DLG2: variants seen among roughly 807,000 people sequenced by gnomAD.
DLG2 encodes the protein discs large MAGUK scaffold protein 2.
DLG2 carries 45 observed loss-of-function variants against 132.5 expected under a neutral mutation model. The ratio of observed to expected loss-of-function variants is 0.34; its 90% CI spans 0.27 to 0.44. The LOEUF (loss-of-function observed/expected upper bound fraction) is 0.44. Ranked by LOEUF, DLG2 falls within the 20% of genes least tolerant of loss-of-function variation. The pLI, the probability that DLG2 is intolerant of heterozygous loss-of-function variation, is 1.00. For synonymous variants in DLG2, 424 were observed against 419.6 expected, an observed-to-expected ratio of 1.01 and a Z score of -0.13; for missense variants, 1,045 against 1,196.9, an observed-to-expected ratio of 0.87 and a Z score of 1.87.
At chr11:84,958,454 T>C (rs2052022075) in intron 6 of DLG2, among the ~76,000 whole-genome samples, 1 of 152,224 alleles carries the variant, frequency 6.6e-6, no homozygotes, top group Non-Finnish European at 1.5e-5. Context: ...CAAAAACTCT[T>C]TCTTGGAACA....
chr11:83,982,381 G>A (rs1342967980), intron 11 of DLG2, among the ~76,000 whole-genome samples: 3 of 151,396 alleles, frequency 2.0e-5, no homozygotes, highest in Admixed American at 6.6e-5. Flanking sequence ...TGGACAAGAT[G>A]TGAAGGTAGA....
chr11:83,952,895 A>G (rs888547223), intron 14 of DLG2, among the ~76,000 whole-genome samples: 3 of 152,134 alleles, frequency 2.0e-5, no homozygotes, highest in African/African-American at 7.2e-5. Flanking sequence ...AGAAAATGAA[A>G]TTAGACAAAA....
chr11:84,686,577 T>C (rs1422164452), intron 6 of DLG2, among the ~76,000 whole-genome samples: 1 of 151,750 alleles, frequency 6.6e-6, no homozygotes, highest in Non-Finnish European at 1.5e-5. Flanking sequence ...GATTAGGCAA[T>C]TGAACTATAT....
At chr11:85,309,852 T>G (rs951322523) in intron 3 of DLG2, among the ~76,000 whole-genome samples, 1 of 152,222 alleles carries the variant, frequency 6.6e-6, no homozygotes, top group African/African-American at 2.4e-5. Context: ...GTTTTGTGTT[T>G]GCCTCTGCTT....
chr11:84,385,792 T>A (rs2098767449), intron 7 of DLG2, among the ~76,000 whole-genome samples: 1 of 152,118 alleles, frequency 6.6e-6, no homozygotes, highest in Non-Finnish European at 1.5e-5. Flanking sequence ...CAAATAGTAA[T>A]TGCTCGATAA....
chr11:84,699,005 T>C (rs2058916518), intron 6 of DLG2, among the ~76,000 whole-genome samples: 1 of 151,610 alleles, frequency 6.6e-6, no homozygotes, highest in Non-Finnish European at 1.5e-5. Flanking sequence ...CCATAGTCTG[T>C]GATCCATTAC....
chr11:84,471,199 G>A (rs747607336), intron 7 of DLG2, among the ~76,000 whole-genome samples: 6 of 151,698 alleles, frequency 4.0e-5, no homozygotes, highest in Non-Finnish European at 7.4e-5. Flanking sequence ...TAGTAGACAA[G>A]AAGCCCCCTG....
At chr11:83,469,085 TAAATC>T in intron 25 of DLG2, 111 bp downstream of exon 25, 7 of 754,934 alleles carry the variant, frequency 9.3e-6, no homozygotes, top group South Asian at 8.1e-5. Flanking sequence ...TTTAAATTAT[TAAATC>T]AAAATTTACA....
At chr11:85,269,482 T>A (rs1277340327) in intron 4 of DLG2, among the ~76,000 whole-genome samples, 1 of 152,122 alleles carries the variant, frequency 6.6e-6, no homozygotes, top group African/African-American at 2.4e-5. Flanking sequence ...AAATTAAGAG[T>A]AAAGATTGTA....
chr11:84,051,688 G>A (rs1045997277), intron 11 of DLG2, among the ~76,000 whole-genome samples: 32 of 151,102 alleles, frequency 2.1e-4, no homozygotes, highest in African/African-American at 7.5e-4. Context: ...ACGAGTTACT[G>A]GGTGCAGCAC....
intron 5 of DLG2, among the ~76,000 whole-genome samples, chr11:85,112,201 G>A (rs2072882601): frequency 6.6e-6 from 1 of 152,042 alleles, no homozygotes; most frequent in Non-Finnish European, 1.5e-5. Flanking sequence ...CCAGAATGTT[G>A]GGTTGAAAGG....
chr11:84,175,029 T>C (rs564693672), intron 8 of DLG2, among the ~76,000 whole-genome samples: 111 of 152,306 alleles, frequency 7.3e-4, no homozygotes, highest in African/African-American at 2.7e-3. Flanking sequence ...ACCAGGAGAA[T>C]CTTGTTCATC....
At chr11:84,479,627 T>C (rs990507756) in intron 7 of DLG2, among the ~76,000 whole-genome samples, 1 of 152,106 alleles carries the variant, frequency 6.6e-6, no homozygotes, top group Non-Finnish European at 1.5e-5. Context: ...CTTAAGTAGA[T>C]AGCCATATAT....
chr11:85,300,687 G>A (rs2079532985), intron 3 of DLG2, among the ~76,000 whole-genome samples: 1 of 152,186 alleles, frequency 6.6e-6, no homozygotes, highest in African/African-American at 2.4e-5. Flanking sequence ...TACTACTATA[G>A]TGTCAGTGAA....
intron 6 of DLG2, among the ~76,000 whole-genome samples, chr11:85,103,841 C>A: frequency 6.6e-6 from 1 of 151,730 alleles, no homozygotes; most frequent in Non-Finnish European, 1.5e-5. Flanking sequence ...GACTAATATC[C>A]AGAACATGTA....
chr11:83,482,009 C>A (rs866724178), intron 22 of DLG2, among the ~76,000 whole-genome samples: 3 of 152,006 alleles, frequency 2.0e-5, no homozygotes, highest in African/African-American at 4.8e-5. Context: ...TTTACAAATT[C>A]TCTCTGGTGG....
intron 6 of DLG2, among the ~76,000 whole-genome samples, chr11:84,965,782 A>G (rs2053232599): frequency 6.6e-6 from 1 of 152,054 alleles, no homozygotes; most frequent in Non-Finnish European, 1.5e-5. Flanking sequence ...CTGCAGTCAA[A>G]TTAAATAGGA....
At chr11:84,970,999 T>C (rs1045979221) in intron 6 of DLG2, among the ~76,000 whole-genome samples, 1 of 152,134 alleles carries the variant, frequency 6.6e-6, no homozygotes, top group Non-Finnish European at 1.5e-5. Flanking sequence ...TTAAATTACT[T>C]GGGGTATAAG....
intron 15 of DLG2, among the ~76,000 whole-genome samples, chr11:83,927,401 C>T (rs1311272816): frequency 6.6e-6 from 1 of 152,120 alleles, no homozygotes; most frequent in Admixed American, 6.6e-5. Context: ...TTTTAGAGAG[C>T]TTCTCTGAAG....
Sources: gnomAD v4.1 joint callset for allele counts (sites outside exome capture counted in the v4.1 genomes callset) on GRCh38, gnomAD v4.1.1 for gene constraint, MANE v1.5 for transcripts, NCBI Gene and HGNC (gene_info 2026-07-23, HGNC 2026-07-21) for gene names.